NBAS: variants seen among roughly 807,000 people sequenced by gnomAD.
NBAS encodes the protein NBAS subunit of NRZ tethering complex, also known as NAG/BC035112 fusion.
A neutral mutation model predicts 302.5 loss-of-function variants in NBAS; 219 were observed. The ratio of observed to expected loss-of-function variants is 0.72; its 90% confidence interval spans 0.65 to 0.81. The LOEUF (loss-of-function observed/expected upper bound fraction) is 0.81, where lower values mean the gene tolerates loss of function less well. NBAS is among the 30% of genes least tolerant of loss of function. The pLI, the probability that NBAS is intolerant of heterozygous loss-of-function variation, is 0.00. For missense variants in NBAS, 2,932 were observed against 2,841.6 expected, an observed-to-expected ratio of 1.03 and a Z score of -0.72; for synonymous variants, 1,118 against 1,021.6, an observed-to-expected ratio of 1.09 and a Z score of -1.80.
At chr2:15,120,586 T>G in the NBAS span, among the ~76,000 whole-genome samples, 5 of 152,160 alleles carry the variant, frequency 3.3e-5, no homozygotes, top group South Asian at 1.0e-3. Flanking sequence ...AAGTGAAGGA[T>G]TTAGGATTTG....
chr2:15,519,551 C>T (rs1662562858), intron 9 of NBAS, among the ~76,000 whole-genome samples: 1 of 152,078 alleles, frequency 6.6e-6, no homozygotes, highest in African/African-American at 2.4e-5. Context: ...GATCTTCGCA[C>T]CCTCAGCCTC....
intron 44 of NBAS, among the ~76,000 whole-genome samples, chr2:15,262,597 C>T (rs548816018): frequency 9.9e-5 from 15 of 152,266 alleles, no homozygotes; most frequent in East Asian, 9.7e-4. Flanking sequence ...TACATTACCC[C>T]GCTACTATTA....
chr2:15,318,841 G>A (rs542529371), intron 38 of NBAS, among the ~76,000 whole-genome samples: 4 of 152,238 alleles, frequency 2.6e-5, no homozygotes, highest in South Asian at 2.1e-4. Context: ...ACAGATCAAC[G>A]AGAAAGAAGG....
chr2:15,528,866 C>CAAAAAAAA (rs67437705), intron 9 of NBAS, among the ~76,000 whole-genome samples: 3 of 88,720 alleles, frequency 3.4e-5, no homozygotes, highest in African/African-American at 1.2e-4. Flanking sequence ...GACTCCATCT[C>CAAAAAAAA]AAAAAAAAAA....
At chr2:14,975,009 G>A in the NBAS span, among the ~76,000 whole-genome samples, 39 of 152,252 alleles carry the variant, frequency 2.6e-4, no homozygotes, top group East Asian at 3.5e-3. Flanking sequence ...CAAGGAATTC[G>A]GCTGGGTTGG....
the NBAS span, among the ~76,000 whole-genome samples, chr2:14,857,923 T>A: frequency 6.6e-6 from 1 of 152,150 alleles, no homozygotes; most frequent in African/African-American, 2.4e-5. Flanking sequence ...AAACTATCCC[T>A]CTGACAGGGG....
At chr2:15,163,383 A>G (rs6760368), downstream of NBAS, among the ~76,000 whole-genome samples, 13,848 of 152,276 alleles carry the variant, frequency 0.091, 807 homozygotes, top group Middle Eastern at 0.2. Flanking sequence ...ATGGCCAACA[A>G]GAGATAAGAA....
the NBAS span, among the ~76,000 whole-genome samples, chr2:14,868,778 T>C: frequency 6.6e-6 from 1 of 152,232 alleles, no homozygotes. Context: ...TTTGGAAAAG[T>C]ATCCCTTCCC....
At chr2:14,793,379 TA>T in the NBAS span, among the ~76,000 whole-genome samples, 1 of 152,074 alleles carries the variant, frequency 6.6e-6, no homozygotes, top group Non-Finnish European at 1.5e-5. Context: ...GAAAAGGTTA[TA>T]AAAATAATCA....
At chr2:15,415,791 C>A (rs779392961) in intron 24 of NBAS, 72 bp from the exon 25 acceptor site, 1 of 1,532,460 alleles carries the variant, frequency 6.5e-7, no homozygotes, top group African/African-American at 1.4e-5. Context: ...TATCAGACAG[C>A]GAGTTCTAAA....
At chr2:14,895,688 T>G in the NBAS span, among the ~76,000 whole-genome samples, 1 of 149,212 alleles carries the variant, frequency 6.7e-6, no homozygotes, top group Admixed American at 6.7e-5. Context: ...TGCAGTGAGC[T>G]GAGATCGCGC....
the NBAS span, among the ~76,000 whole-genome samples, chr2:15,092,798 T>C: frequency 6.6e-6 from 1 of 152,216 alleles, no homozygotes. Flanking sequence ...TTCAGGGATT[T>C]GCATATGACA....
the NBAS span, among the ~76,000 whole-genome samples, chr2:15,103,188 C>T: frequency 1.3e-5 from 2 of 152,092 alleles, no homozygotes; most frequent in Non-Finnish European, 2.9e-5. Flanking sequence ...CCCTCTGCAC[C>T]TTCAGTCCTG....
the NBAS span, among the ~76,000 whole-genome samples, chr2:15,033,664 C>T: frequency 1.4e-4 from 22 of 152,200 alleles, no homozygotes; most frequent in Middle Eastern, 3.4e-3. Flanking sequence ...GATGAACTCT[C>T]TTATAAGAAC....
At chr2:15,136,982 A>G in the NBAS span, among the ~76,000 whole-genome samples, 22 of 152,286 alleles carry the variant, frequency 1.4e-4, no homozygotes, top group African/African-American at 5.3e-4. Context: ...TCTTTTCTTC[A>G]TAAATTACCT....
Position 15,520,013 on chromosome 2 carries a change from C to T in NBAS, c.747-8663G>A, listed in dbSNP as rs539076184. Among the ~76,000 whole-genome samples, 80 of 152,286 alleles carry T rather than the reference C, an allele frequency of 5.3e-4. 1 individual carries two copies. In the South Asian group the frequency reaches 0.016, roughly 31 times the overall value. On this transcript the variant is annotated intron_variant, in intron 9 of 51. Transcript: ENST00000281513. The stretch of plus-strand genomic sequence containing the variant: ...GGACTTCTTAGTTCACTAATGAAAT[C>T]ATTCCCTGGCAATTTGATAACTGGG...
intron 21 of NBAS, among the ~76,000 whole-genome samples, chr2:15,443,050 T>G (rs560495369): frequency 6.6e-6 from 1 of 151,574 alleles, no homozygotes; most frequent in Non-Finnish European, 1.5e-5. Context: ...CCAGATGGAT[T>G]CACAGCCGAA....
the NBAS span, among the ~76,000 whole-genome samples, chr2:15,050,457 C>T: frequency 2.0e-5 from 3 of 152,138 alleles, no homozygotes; most frequent in South Asian, 2.1e-4. Flanking sequence ...CCAGCAAGGT[C>T]TCAGGCAGCA....
At chr2:15,383,031 A>G (rs1224645001) in intron 29 of NBAS, among the ~76,000 whole-genome samples, 184 bp downstream of exon 29, 5 of 152,214 alleles carry the variant, frequency 3.3e-5, no homozygotes, top group Admixed American at 3.3e-4. Flanking sequence ...TGCAATGAAA[A>G]AAGACAAGGG....
Sources: gnomAD v4.1 joint callset for allele counts (sites outside exome capture counted in the v4.1 genomes callset) on GRCh38, gnomAD v4.1.1 for gene constraint, MANE v1.5 for transcripts, NCBI Gene and HGNC (gene_info 2026-07-23, HGNC 2026-07-21) for gene names.